The following WDR25 variants were observed in gnomAD, a reference collection of about 807,000 sequenced individuals.
WDR25 encodes WD repeat-containing protein 25.
A neutral mutation model predicts 47.7 loss-of-function variants in WDR25; 35 were observed. That is an observed-to-expected ratio of 0.73 (90% confidence interval 0.56 to 0.97). WDR25 has a LOEUF of 0.97. Ranked by LOEUF, WDR25 falls within the 50% of genes least tolerant of loss-of-function variation. The pLI, the probability that WDR25 is intolerant of heterozygous loss-of-function variation, is 0.00. For missense variants in WDR25, 634 were observed against 704.7 expected, an observed-to-expected ratio of 0.90 and a Z score of 1.14; for synonymous variants, 248 against 278.9, an observed-to-expected ratio of 0.89 and a Z score of 1.10.
chr14:100,526,128 C>G, intron 5 of WDR25, 88 bp downstream of exon 5: 1 of 1,472,486 alleles, frequency 6.8e-7, no homozygotes, highest in Non-Finnish European at 9.2e-7. Flanking sequence ...CAGGTCCCTT[C>G]TGTGGGAGGA....
chr14:100,418,515 G>C (rs1481567052), intron 2 of WDR25, among the ~76,000 whole-genome samples: 1 of 151,258 alleles, frequency 6.6e-6, no homozygotes, highest in Non-Finnish European at 1.5e-5. Context: ...ACCTGTACAA[G>C]TCCCAGCTAC....
chr14:100,519,655 T>C (rs1901629423), intron 4 of WDR25, among the ~76,000 whole-genome samples: 1 of 147,150 alleles, frequency 6.8e-6, no homozygotes. Flanking sequence ...ATGTAGTCTA[T>C]ATATATACAC....
chr14:100,488,436 G>C lies in WDR25; in HGVS notation c.1101+4312G>C, dbSNP rs1198689017. Among the ~76,000 whole-genome samples the C allele has an allele frequency of 6.6e-6, 1 of 152,070 alleles. No individual in the cohort carries two copies. Among genetic ancestry groups the C allele is most frequent in the East Asian group, 1.9e-4 (1 of 5,178 alleles). On this transcript the variant is annotated intron_variant, in intron 4 of 6. Transcript: ENST00000402312. This position sits in a 1 kb window ranked among gnomAD's most constrained non-coding sequence, Gnocchi z 4.2. ...GTTGGCCTGAGCTGCAGGAGACCTG[G>C]GCTCACGTCCTCCCTCTGCTACTTG...
chr14:100,487,427 T>C (rs535316473), intron 4 of WDR25: 1 of 152,338 alleles, frequency 6.6e-6, no homozygotes, highest in East Asian at 1.9e-4. Context: ...CTATACTCAT[T>C]TATGTATCAT....
intron 2 of WDR25, among the ~76,000 whole-genome samples, chr14:100,442,980 G>A (rs763630729): frequency 7.2e-5 from 11 of 152,202 alleles, no homozygotes; most frequent in Non-Finnish European, 1.6e-4. Flanking sequence ...TCACAGGCCC[G>A]CTGACTGGTT....
At chr14:100,436,086 C>T (rs1344508426) in intron 2 of WDR25, among the ~76,000 whole-genome samples, 1 of 152,240 alleles carries the variant, frequency 6.6e-6, no homozygotes, top group Non-Finnish European at 1.5e-5. Flanking sequence ...AGGCCAGATT[C>T]AGGTGTCAAA....
At chr14:100,480,910 G>A in intron 3 of WDR25, 1 of 339,330 alleles carries the variant, frequency 2.9e-6, no homozygotes, top group East Asian at 8.7e-5. Flanking sequence ...GGCTCTCGTG[G>A]CTCTGCAGGC....
chr14:100,495,981 A>G (rs1335144961), intron 4 of WDR25, among the ~76,000 whole-genome samples: 2 of 152,248 alleles, frequency 1.3e-5, no homozygotes, highest in Non-Finnish European at 1.5e-5. Context: ...TTGCAAAGTC[A>G]TATGGTTGGT....
intron 2 of WDR25, among the ~76,000 whole-genome samples, chr14:100,443,560 G>A (rs1218144131): frequency 6.6e-6 from 1 of 152,110 alleles, no homozygotes; most frequent in Non-Finnish European, 1.5e-5. Context: ...CTGATTTTGG[G>A]GGATAAATAT....
chr14:100,421,720 T>G (rs1199056494), intron 2 of WDR25, among the ~76,000 whole-genome samples: 1 of 152,246 alleles, frequency 6.6e-6, no homozygotes, highest in Non-Finnish European at 1.5e-5. Context: ...GTGGGCATGC[T>G]TTTAAATGTT....
At chr14:100,405,905 G>A (rs1326275752) in intron 2 of WDR25, among the ~76,000 whole-genome samples, 1 of 152,218 alleles carries the variant, frequency 6.6e-6, no homozygotes, top group East Asian at 1.9e-4. Flanking sequence ...CTGTGCATAG[G>A]CTTTTGAGTT....
At chr14:100,422,594 G>A (rs907616683) in intron 2 of WDR25, among the ~76,000 whole-genome samples, 4 of 152,202 alleles carry the variant, frequency 2.6e-5, no homozygotes, top group African/African-American at 9.7e-5. Context: ...CCCTCATGGT[G>A]ACTTGACGGG....
chr14:100,464,671 T>TC (rs1899545945), intron 2 of WDR25, among the ~76,000 whole-genome samples: 1 of 115,076 alleles, frequency 8.7e-6, no homozygotes, highest in Non-Finnish European at 1.7e-5. Context: ...CCCCATCTCA[T>TC]CTCCCCTACC....
At position 100,488,872 on chromosome 14, in the gene WDR25, G is replaced by A. The variant is rs998419453; in HGVS notation, c.1101+4748G>A. On this transcript the variant is annotated intron_variant, in intron 4 of 6. Transcript: ENST00000402312. The surrounding 1 kb of genome is among the most constrained non-coding windows in gnomAD (Gnocchi z 4.2). ...TTTTATCCACAGGTGTTTATTTACA[G>A]CCGCTTGGTGTGGGAGCCTGAGTCA... Among the ~76,000 whole-genome samples the A allele has an allele frequency of 2.6e-5, 4 of 152,194 alleles. No individual in the cohort carries two copies. The highest frequency in any genetic ancestry group is 1.3e-4 in the Admixed American group (2 of 15,276).
intron 2 of WDR25, among the ~76,000 whole-genome samples, chr14:100,384,877 C>T (rs1312038535): frequency 1.3e-5 from 2 of 152,300 alleles, no homozygotes; most frequent in Non-Finnish European, 2.9e-5. Context: ...CCTTCCTCTA[C>T]GGCCAGCCCC....
intron 2 of WDR25, chr14:100,454,842 A>T (rs1899148897): frequency 5.6e-6 from 1 of 178,506 alleles, no homozygotes; most frequent in African/African-American, 2.4e-5. Context: ...AGGCAAAGAG[A>T]ACTGAATAGA....
At chr14:100,482,560 C>T (rs1317744937) in intron 3 of WDR25, among the ~76,000 whole-genome samples, 1 of 152,100 alleles carries the variant, frequency 6.6e-6, no homozygotes, top group Non-Finnish European at 1.5e-5. Context: ...ACTATAATAG[C>T]TTGGAGACCA....
Position 100,529,633 on chromosome 14 carries a change from A to T in WDR25, c.1414-187A>T. On this transcript the variant is annotated intron_variant, in intron 6 of 6. Coordinates refer to ENST00000402312, the MANE Select transcript of WDR25 (RefSeq NM_001161476.3). This position sits in a 1 kb window ranked among gnomAD's most constrained non-coding sequence, Gnocchi z 5.1. ...CTGGATCTGCTGAACTGGCCTTGGG[A>T]TGTGGGCCCGCATCAGGGCTCTACA... The T allele has an allele frequency of 1.5e-6, 1 of 663,440 alleles. No homozygotes were observed. Among genetic ancestry groups the T allele is most frequent in the African/African-American group, 1.8e-5 (1 of 55,042 alleles). The allele number at this position is 663,440 out of a possible 1,614,324, so 41.1% of individuals were successfully genotyped here.
Position 100,378,676 on chromosome 14 carries a change from A to AGAGAGAAAAGAGGGAAG in WDR25, c.-16+2182_-16+2183insAGAGAAAAGAGGGAAGG, listed in dbSNP as rs1566878585. Among the ~76,000 whole-genome samples the AGAGAGAAAAGAGGGAAG allele has an allele frequency of 4.0e-3, 349 of 86,720 alleles. 44 individuals are homozygous for AGAGAGAAAAGAGGGAAG. Among genetic ancestry groups the AGAGAGAAAAGAGGGAAG allele is most frequent in the Middle Eastern group, 0.015 (2 of 134 alleles). The allele number at this position is 86,720 out of a possible 152,430, so 56.9% of individuals were successfully genotyped here. ...TACCTGGGGGAAGAATGTTCCAGGCAGGCCGGGCGCGGTGGCTCACGCCTG... is the reference window on the plus strand; with the variant it reads ...TACCTGGGGGAAGAATGTTCCAGGCAGAGAGAAAAGAGGGAAGGGCCGGGCGCGGTGGCTCACGCCTG... On this transcript the variant is annotated intron_variant, in intron 1 of 6. Transcript: ENST00000402312.
Sources: gnomAD v4.1 joint callset for allele counts (sites outside exome capture counted in the v4.1 genomes callset) on GRCh38, gnomAD v4.1.1 for gene constraint, Gnocchi (gnomAD v3.1) non-coding constraint, MANE v1.5 for transcripts, NCBI Gene and HGNC (gene_info 2026-07-23, HGNC 2026-07-21) for gene names.